The following PRMT5 variants were observed in gnomAD, a reference collection of about 807,000 sequenced individuals.
PRMT5 encodes protein arginine N-methyltransferase 5.
PRMT5 carries 15 observed loss-of-function variants against 84.0 expected under a neutral mutation model. The ratio of observed to expected loss-of-function variants is 0.18; its 90% CI spans 0.12 to 0.28. PRMT5 has a LOEUF of 0.28. PRMT5 is among the 10% of genes least tolerant of loss of function. PRMT5 has a pLI of 1.00. For synonymous variants in PRMT5, 276 were observed against 292.4 expected (o/e 0.94, Z 0.57); for missense variants, 486 against 808.0 (o/e 0.60, Z 4.83).
Position 22,920,667 on chromosome 14 carries a change from C to T in PRMT5, c.*237G>A, listed in dbSNP as rs1318888233. 1 of 710,942 alleles carries T rather than the reference C, an allele frequency of 1.4e-6. No homozygotes were observed. The highest frequency in any genetic ancestry group is 1.5e-5 in the South Asian group (1 of 66,836). The allele number at this position is 710,942 out of a possible 1,614,324, so 44.0% of individuals were successfully genotyped here. On this transcript the variant is annotated 3_prime_UTR_variant, in exon 17 of 17. Transcript: ENST00000324366. The stretch of plus-strand genomic sequence containing the variant: ...GGAGTTCTTGAGGCTGAGTGCGTAG[C>T]TTCAAATCCAGCACTAATTCCTCAC...
chr14:22,924,803 G>T lies in PRMT5; in HGVS notation c.939+76C>A, dbSNP rs1230250449. The T allele has an allele frequency of 3.6e-5, 57 of 1,591,804 alleles. No homozygotes were observed. The highest frequency in any genetic ancestry group is 4.7e-5 in the Non-Finnish European group (55 of 1,165,732). On this transcript the variant is annotated intron_variant, in intron 8 of 16. Transcript: ENST00000324366. The surrounding 1 kb of genome is among the most constrained non-coding windows in gnomAD (Gnocchi z 6.5). Reference sequence around the variant, plus strand: ...ACTTTCCACTGCTTTCTGAGTTTTAGTAAGATTTGGAGGCATATATTCTCA... The same window carrying T: ...ACTTTCCACTGCTTTCTGAGTTTTATTAAGATTTGGAGGCATATATTCTCA...
At position 22,922,734 on chromosome 14, in the gene PRMT5, G is replaced by C. The variant is rs1236137821; in HGVS notation, c.1579+8C>G. The C allele has an allele frequency of 6.2e-7, 1 of 1,613,146 alleles. No homozygotes were observed. The highest frequency in any genetic ancestry group is 1.1e-5 in the South Asian group (1 of 91,052). ...CTCTAGTCAGAGGACAGCCATAAAA[G>C]AACCTACCTCTGTTGGGATGGCTGA... On this transcript the variant is annotated splice_region_variant and intron_variant, in intron 14 of 16. Transcript: ENST00000324366.
At chr14:22,921,754 G>A (rs1014526278) in intron 16 of PRMT5, among the ~76,000 whole-genome samples, 1 of 151,916 alleles carries the variant, frequency 6.6e-6, no homozygotes, top group South Asian at 2.1e-4. Context: ...GTGGTGGCTG[G>A]CACCTGTAAT....
chr14:22,925,022 T>C lies in PRMT5; in HGVS notation c.796A>G (p.Ile266Val). ...TCTGAGTGGTGGTTGGTGCCTGTGA[T>C]GATGAACTGCACCTCCAACTGTGAG... Reference protein sequence around the residue: ...RLLKLEVQFIITGTNHHSEKE... With the variant: ...RLLKLEVQFIVTGTNHHSEKE... Residue 266 changes from isoleucine (I) to valine (V), a missense_variant, in exon 8 of 17, where the codon ATC becomes GTC. Physicochemically the swap from Ile to Val is conservative, Grantham distance 29. Transcript: ENST00000324366. 1 of 1,613,990 alleles carries C rather than the reference T, an allele frequency of 6.2e-7. No homozygotes were observed. Among genetic ancestry groups the C allele is most frequent in the Non-Finnish European group, 8.5e-7 (1 of 1,179,976 alleles).
At chr14:22,922,344 G>A (rs1045730975) in intron 15 of PRMT5, 99 bp downstream of exon 15, 1 of 1,404,918 alleles carries the variant, frequency 7.1e-7, no homozygotes, top group African/African-American at 1.4e-5. Flanking sequence ...TCCATTCATT[G>A]AGCACTGGGC....
intron 16 of PRMT5, 197 bp from the exon 17 acceptor site, chr14:22,921,253 C>T: frequency 1.6e-6 from 1 of 631,102 alleles, no homozygotes; most frequent in Non-Finnish European, 2.7e-6. Flanking sequence ...CAGAAAAACA[C>T]CTATGAAAGG....
At position 22,924,182 on chromosome 14, in the gene PRMT5, G is replaced by A. The variant is rs2044364437; in HGVS notation, c.1201C>T (p.Leu401=). 1 of 1,610,246 alleles carries A rather than the reference G, an allele frequency of 6.2e-7. No homozygotes were observed. Among genetic ancestry groups the A allele is most frequent in the Non-Finnish European group, 8.5e-7 (1 of 1,177,770 alleles). Residue 401 remains leucine, a splice_region_variant and synonymous_variant, in exon 12 of 17, where the codon CTA becomes TTA. Coordinates refer to ENST00000324366, the MANE Select transcript of PRMT5 (RefSeq NM_006109.5). The surrounding 1 kb of genome is among the most constrained non-coding windows in gnomAD (Gnocchi z 6.5). ...CATTCTTCAAACTGCCAGTTCTCTA[G>A]CCTGAAACAGAGACAATAAGGTAAG... ...VEKNPNAVVT[L]ENWQFEEWGS...
At chr14:22,922,354 C>A in intron 15 of PRMT5, 89 bp downstream of exon 15, 1 of 1,401,616 alleles carries the variant, frequency 7.1e-7, no homozygotes, top group Non-Finnish European at 1.0e-6. Context: ...GAGCACTGGG[C>A]CCCCCATAAA....
chr14:22,928,058 T>G lies in PRMT5; in HGVS notation c.315+68A>C. Reference sequence around the variant, plus strand: ...AGTTAATTTACCAAGTTATTGGGGATGGGAGGGGACCACTCTCCCCACCCA... The same window carrying G: ...AGTTAATTTACCAAGTTATTGGGGAGGGGAGGGGACCACTCTCCCCACCCA... On this transcript the variant is annotated intron_variant, in intron 3 of 16. Coordinates refer to ENST00000324366, the MANE Select transcript of PRMT5 (RefSeq NM_006109.5). This position sits in a 1 kb window ranked among gnomAD's most constrained non-coding sequence, Gnocchi z 4.8. 1.5e-6 allele frequency: 2 copies of G among 1,345,520 alleles called. No homozygotes were observed. The highest frequency in any genetic ancestry group is 2.1e-6 in the Non-Finnish European group (2 of 954,376). The allele number at this position is 1,345,520 out of a possible 1,614,324, so 83.3% of individuals were successfully genotyped here.
chr14:22,921,061 A>C lies in PRMT5; in HGVS notation c.1762-5T>G. On this transcript the variant is annotated splice_polypyrimidine_tract_variant and splice_region_variant and intron_variant, in intron 16 of 16. Transcript: ENST00000324366. ...TTCACGTACCGTTATGGGCTGCTGTAAGAAGAAAGACAGGAAGGTTCAGGG... is the reference window on the plus strand; with the variant it reads ...TTCACGTACCGTTATGGGCTGCTGTCAGAAGAAAGACAGGAAGGTTCAGGG... 1 of 1,614,014 alleles carries C rather than the reference A, an allele frequency of 6.2e-7. No homozygotes were observed. The highest frequency in any genetic ancestry group is 8.5e-7 in the Non-Finnish European group (1 of 1,180,034).
At position 22,922,746 on chromosome 14, in the gene PRMT5, G is replaced by A. The variant is rs1384525663; in HGVS notation, c.1575C>T (p.Asn525=). The A allele has an allele frequency of 6.2e-7, 1 of 1,613,862 alleles. No individual in the cohort carries two copies. The highest frequency in any genetic ancestry group is 1.3e-5 in the African/African-American group (1 of 74,910). ...GACAGCCATAAAAGAACCTACCTCT[G>A]TTGGGATGGCTGAAGGTGAAACAGG... ...PQPCFTFSHP[N]RDPMIDNNRY... is the part of the protein sequence containing the mutation. Residue 525 remains asparagine (N), a synonymous_variant, in exon 14 of 17, where the codon AAC becomes AAT. Transcript: ENST00000324366.
Position 22,928,465 on chromosome 14 carries a change from A to G in PRMT5, c.229+32T>C, listed in dbSNP as rs1278859216. 2.6e-6 allele frequency: 4 copies of G among 1,510,414 alleles called. No individual in the cohort carries two copies. In the African/African-American group the frequency reaches 4.1e-5, roughly 16 times the overall value. 93.6% of individuals were successfully genotyped at this position (1,510,414 alleles called of 1,614,324 possible). On this transcript the variant is annotated intron_variant, in intron 2 of 16. Coordinates refer to ENST00000324366, the MANE Select transcript of PRMT5 (RefSeq NM_006109.5). This position sits in a 1 kb window ranked among gnomAD's most constrained non-coding sequence, Gnocchi z 4.8. ...TAAAGCAGAAGTTGTTATTGCCTCT[A>G]ATAATTAAGGGGCATATGGGATGGT...
Position 22,924,644 on chromosome 14 carries a change from A to C in PRMT5, c.1005T>G (p.Ser335=). 1 of 1,613,856 alleles carries C rather than the reference A, an allele frequency of 6.2e-7. No homozygotes were observed. Among genetic ancestry groups the C allele is most frequent in the South Asian group, 1.1e-5 (1 of 91,074 alleles). The change falls in exon 9 of 17, where the codon TCT becomes TCG. Residue 335 remains serine (S), a synonymous_variant. Coordinates refer to ENST00000324366, the MANE Select transcript of PRMT5 (RefSeq NM_006109.5). The surrounding 1 kb of genome is among the most constrained non-coding windows in gnomAD (Gnocchi z 6.5). ...EVFEKDPIKY[S]QYQQAIYKCL... is the part of the protein sequence containing the mutation. ...CACCACACAGTACCTGCTGGTACTGAGAGTATTTGATGGGGTCCTTTTCAA... is the reference window on the plus strand; with the variant it reads ...CACCACACAGTACCTGCTGGTACTGCGAGTATTTGATGGGGTCCTTTTCAA...
At chr14:22,927,084 C>CTT (rs34007516) in intron 4 of PRMT5, among the ~76,000 whole-genome samples, 35 of 132,496 alleles carry the variant, frequency 2.6e-4, no homozygotes, top group South Asian at 4.8e-4. Context: ...CAATACTGAC[C>CTT]TTTTTTTTTT....
intron 6 of PRMT5, 49 bp from the exon 7 acceptor site, chr14:22,926,345 C>T: frequency 1.2e-6 from 2 of 1,605,470 alleles, no homozygotes; most frequent in Non-Finnish European, 8.5e-7. Flanking sequence ...GCAAGAAACC[C>T]TTCCTTGCTC....
rs1331127377 is a variant in PRMT5, at chr14:22,924,965, C to T, written c.853G>A (p.Glu285Lys). Residue 285 changes from glutamate (E) to lysine (K), a missense_variant, in exon 8 of 17, where the codon GAA becomes AAA. By Grantham distance (56) the Glu-to-Lys change is moderately conservative. Transcript: ENST00000324366. The surrounding 1 kb of genome is among the most constrained non-coding windows in gnomAD (Gnocchi z 6.5). Reference sequence around the variant, plus strand: ...GGAGGACGGTTCTGGCTTAAGTATTCCAGGTATTGGAGGTAGGAGCAGAAC... The same window carrying T: ...GGAGGACGGTTCTGGCTTAAGTATTTCAGGTATTGGAGGTAGGAGCAGAAC... ...KEFCSYLQYL[E>K]YLSQNRPPPN... 6 of 1,613,918 alleles carry T rather than the reference C, an allele frequency of 3.7e-6. No homozygotes were observed. Among genetic ancestry groups the T allele is most frequent in the Non-Finnish European group, 4.2e-6 (5 of 1,180,032 alleles).
intron 4 of PRMT5, among the ~76,000 whole-genome samples, chr14:22,927,084 C>CT (rs34007516): frequency 0.019 from 2,457 of 132,474 alleles, 33 homozygotes; most frequent in African/African-American, 0.031. Flanking sequence ...CAATACTGAC[C>CT]TTTTTTTTTT....
At chr14:22,922,316 T>G in intron 15 of PRMT5, 76 bp from the exon 16 acceptor site, 2 of 1,354,126 alleles carry the variant, frequency 1.5e-6, no homozygotes, top group Non-Finnish European at 2.1e-6. Flanking sequence ...GGGTCTCTTC[T>G]CTAATCACAC....
chr14:22,922,347 C>T, intron 15 of PRMT5, 96 bp downstream of exon 15: 1 of 1,402,378 alleles, frequency 7.1e-7, no homozygotes, highest in Non-Finnish European at 1.0e-6. Flanking sequence ...ATTCATTGAG[C>T]ACTGGGCCCC....
Sources: gnomAD v4.1 joint callset for allele counts (sites outside exome capture counted in the v4.1 genomes callset) on GRCh38, gnomAD v4.1.1 for gene constraint, Gnocchi (gnomAD v3.1) non-coding constraint, MANE v1.5 for transcripts, NCBI Gene and HGNC (gene_info 2026-07-23, HGNC 2026-07-21) for gene names.